PDGFD: variants seen among roughly 807,000 people sequenced by gnomAD.
PDGFD encodes platelet derived growth factor D.
Under a neutral mutation model 44.7 loss-of-function variants are expected in PDGFD, and 30 were observed. That is an observed-to-expected ratio of 0.67 (90% confidence interval 0.50 to 0.91). The LOEUF (loss-of-function observed/expected upper bound fraction) is 0.91. Ranked by LOEUF, PDGFD falls within the 40% of genes least tolerant of loss-of-function variation. The pLI, the probability that PDGFD is intolerant of heterozygous loss-of-function variation, is 0.00. For missense variants in PDGFD, 445 were observed against 457.8 expected (o/e 0.97, Z 0.25); for synonymous variants, 173 against 168.4 (o/e 1.03, Z -0.21).
chr11:103,929,657 A>C (rs1235295916), intron 5 of PDGFD, among the ~76,000 whole-genome samples: 1 of 152,174 alleles, frequency 6.6e-6, no homozygotes, highest in Non-Finnish European at 1.5e-5. Context: ...CACCTGCCCT[A>C]CATATCAGGC....
intron 5 of PDGFD, among the ~76,000 whole-genome samples, chr11:103,934,483 T>G (rs547607856): frequency 6.6e-6 from 1 of 152,292 alleles, no homozygotes; most frequent in Non-Finnish European, 1.5e-5. Flanking sequence ...CCTTTGCAAG[T>G]GTATTAGTCC....
intron 1 of PDGFD, among the ~76,000 whole-genome samples, chr11:104,014,480 A>G (rs767767810): frequency 1.3e-5 from 2 of 152,236 alleles, no homozygotes; most frequent in Non-Finnish European, 2.9e-5. Context: ...TGAATGACAG[A>G]GTGAGATCCT....
intron 1 of PDGFD, among the ~76,000 whole-genome samples, chr11:104,093,570 C>T (rs1324203261): frequency 6.6e-6 from 1 of 152,080 alleles, no homozygotes; most frequent in African/African-American, 2.4e-5. Context: ...CAAATGTGTA[C>T]ACTTCCCACA....
At chr11:103,985,577 T>A (rs1859350354) in intron 3 of PDGFD, among the ~76,000 whole-genome samples, 1 of 151,610 alleles carries the variant, frequency 6.6e-6, no homozygotes, top group Non-Finnish European at 1.5e-5. Flanking sequence ...GAAATATACA[T>A]GAGAAATGTA....
chr11:104,029,859 T>G (rs1860098192), intron 1 of PDGFD, among the ~76,000 whole-genome samples: 1 of 152,182 alleles, frequency 6.6e-6, no homozygotes, highest in African/African-American at 2.4e-5. Context: ...GATAGATAAG[T>G]GTTTAGTACC....
At chr11:104,118,791 T>TTATAAATATTAATATATAATATATTATA (rs1861682438) in intron 1 of PDGFD, among the ~76,000 whole-genome samples, 5 of 108,340 alleles carry the variant, frequency 4.6e-5, no homozygotes, top group Non-Finnish European at 6.9e-5. Flanking sequence ...ATATTATATA[T>TTATAAATATTAATATATAATATATTATA]TATAAATATT....
intron 5 of PDGFD, among the ~76,000 whole-genome samples, chr11:103,939,240 G>A (rs1446576695): frequency 6.6e-6 from 1 of 152,114 alleles, no homozygotes; most frequent in East Asian, 1.9e-4. Context: ...TTGAGCAGTG[G>A]TTTGTAGTTC....
chr11:104,112,035 T>C (rs933412771), intron 1 of PDGFD, among the ~76,000 whole-genome samples: 2 of 152,170 alleles, frequency 1.3e-5, no homozygotes, highest in Non-Finnish European at 2.9e-5. Flanking sequence ...GTGTTTTCTT[T>C]CCAGACAATT....
At chr11:104,151,338 C>A (rs28394400) in intron 1 of PDGFD, among the ~76,000 whole-genome samples, 97 of 151,934 alleles carry the variant, frequency 6.4e-4, no homozygotes, top group African/African-American at 2.2e-3. Context: ...AAGCTGGATG[C>A]GTAAATAGTA....
At chr11:104,150,592 G>A (rs1862229215) in intron 1 of PDGFD, among the ~76,000 whole-genome samples, 1 of 152,072 alleles carries the variant, frequency 6.6e-6, no homozygotes, top group African/African-American at 2.4e-5. Context: ...AATTTCAATG[G>A]ACCCAAATTA....
intron 1 of PDGFD, among the ~76,000 whole-genome samples, chr11:104,056,593 G>C (rs1050329536): frequency 1.3e-5 from 2 of 152,052 alleles, no homozygotes; most frequent in Middle Eastern, 3.2e-3. Flanking sequence ...AAGGATTCCT[G>C]AGAGTTAGAA....
intron 1 of PDGFD, among the ~76,000 whole-genome samples, chr11:104,025,440 A>C (rs893540589): frequency 2.6e-5 from 4 of 152,224 alleles, no homozygotes; most frequent in Non-Finnish European, 5.9e-5. Flanking sequence ...ACAATGGATA[A>C]AATATAAAAC....
At chr11:103,982,077 T>C (rs1859279953) in intron 3 of PDGFD, among the ~76,000 whole-genome samples, 1 of 151,702 alleles carries the variant, frequency 6.6e-6, no homozygotes, top group Non-Finnish European at 1.5e-5. Context: ...CCAACCTTGA[T>C]CCTACTCTGA....
chr11:103,934,027 G>C (rs1340018671), intron 5 of PDGFD, among the ~76,000 whole-genome samples: 1 of 152,136 alleles, frequency 6.6e-6, no homozygotes, highest in Non-Finnish European at 1.5e-5. Flanking sequence ...AAAATTTCTT[G>C]TTCTCATTTA....
intron 1 of PDGFD, among the ~76,000 whole-genome samples, chr11:104,035,961 AC>A (rs1214450001): frequency 6.6e-6 from 1 of 152,076 alleles, no homozygotes; most frequent in Non-Finnish European, 1.5e-5. Flanking sequence ...TTACCCATTC[AC>A]CTGTCTATCC....
At chr11:103,971,871 G>A (rs991183866) in intron 3 of PDGFD, among the ~76,000 whole-genome samples, 4 of 152,012 alleles carry the variant, frequency 2.6e-5, no homozygotes, top group African/African-American at 7.2e-5. Context: ...TGCCCACTTC[G>A]GGAATACTCA....
intron 5 of PDGFD, among the ~76,000 whole-genome samples, chr11:103,938,760 G>C (rs1485501677): frequency 2.0e-5 from 3 of 152,118 alleles, no homozygotes; most frequent in South Asian, 2.1e-4. Flanking sequence ...TCCAGTTTCA[G>C]CTTTCTACAT....
intron 1 of PDGFD, among the ~76,000 whole-genome samples, chr11:104,114,530 G>A (rs1214176758): frequency 3.3e-5 from 5 of 151,986 alleles, no homozygotes; most frequent in Admixed American, 3.3e-4. Context: ...GGTAGTGTCA[G>A]TCCTCCAACT....
At chr11:103,986,077 G>A (rs1859358831) in intron 3 of PDGFD, among the ~76,000 whole-genome samples, 1 of 152,144 alleles carries the variant, frequency 6.6e-6, no homozygotes, top group Non-Finnish European at 1.5e-5. Context: ...TTTGCTCTCA[G>A]GTGAAAGGCA....
Sources: gnomAD v4.1 joint callset for allele counts (sites outside exome capture counted in the v4.1 genomes callset) on GRCh38, gnomAD v4.1.1 for gene constraint, MANE v1.5 for transcripts, NCBI Gene and HGNC (gene_info 2026-07-23, HGNC 2026-07-21) for gene names.